Variants in STK39 observed in about 807,000 individuals in gnomAD.
The protein encoded by STK39 is STE20/SPS1-related proline-alanine-rich protein kinase.
STK39 carries 20 observed loss-of-function variants against 77.8 expected under a neutral mutation model. The observed-to-expected ratio is 0.26, with a 90% CI of 0.18 to 0.37. STK39 has a LOEUF of 0.37. Among genes scored for constraint, STK39 ranks in the 10% least tolerant of loss-of-function variants. The pLI is 1.00. For missense variants in STK39, 479 were observed against 656.5 expected, an observed-to-expected ratio of 0.73 and a Z score of 2.95; for synonymous variants, 246 against 234.1, an observed-to-expected ratio of 1.05 and a Z score of -0.47.
intron 1 of STK39, among the ~76,000 whole-genome samples, chr2:168,222,330 AC>A (rs1422995236): frequency 6.6e-6 from 1 of 152,200 alleles, no homozygotes; most frequent in East Asian, 1.9e-4. Context: ...TGGAGAGATG[AC>A]AGGCCATGAG....
intron 1 of STK39, among the ~76,000 whole-genome samples, chr2:168,189,383 G>A (rs1689282681): frequency 6.7e-6 from 1 of 149,346 alleles, no homozygotes; most frequent in African/African-American, 2.5e-5. Context: ...ACTCACCTTG[G>A]ACCACAAGCT....
intron 1 of STK39, among the ~76,000 whole-genome samples, chr2:168,212,988 T>C (rs1689930142): frequency 6.6e-6 from 1 of 152,206 alleles, no homozygotes; most frequent in African/African-American, 2.4e-5. Context: ...TATTTAGTCA[T>C]ATTAAGTACA....
chr2:168,043,309 C>CA (rs36113575), intron 14 of STK39, among the ~76,000 whole-genome samples: 98,423 of 151,008 alleles, frequency 0.65, 33,299 homozygotes, highest in Non-Finnish European at 0.75. Flanking sequence ...TCATTGATGG[C>CA]AAAAAAAAAT....
chr2:168,111,160 G>A (rs1270762691), intron 10 of STK39, among the ~76,000 whole-genome samples: 1 of 151,936 alleles, frequency 6.6e-6, no homozygotes, highest in Non-Finnish European at 1.5e-5. Flanking sequence ...TCATTATAGG[G>A]TTCTAAAAAT....
At chr2:168,022,420 T>C (rs71430613) in intron 14 of STK39, among the ~76,000 whole-genome samples, 237 of 152,286 alleles carry the variant, frequency 1.6e-3, no homozygotes, top group Non-Finnish European at 2.8e-3. Flanking sequence ...AATGTATTAA[T>C]AACCAGGGAG....
At chr2:168,120,231 T>C (rs1386006088) in intron 10 of STK39, among the ~76,000 whole-genome samples, 1 of 152,244 alleles carries the variant, frequency 6.6e-6, no homozygotes, top group Non-Finnish European at 1.5e-5. Context: ...GATTGTTGTA[T>C]GGCTGCAGTA....
intron 8 of STK39, among the ~76,000 whole-genome samples, chr2:168,133,163 G>A (rs1687744475): frequency 6.6e-6 from 1 of 152,192 alleles, no homozygotes; most frequent in Admixed American, 6.5e-5. Context: ...GCTGTAGAGA[G>A]AAAGCTGGGA....
chr2:168,110,097 A>T (rs1687082191), intron 10 of STK39, among the ~76,000 whole-genome samples: 1 of 152,224 alleles, frequency 6.6e-6, no homozygotes, highest in Non-Finnish European at 1.5e-5. Flanking sequence ...ACTCTTATTT[A>T]AAAATATCTG....
At chr2:168,200,445 G>A (rs571968201) in intron 1 of STK39, among the ~76,000 whole-genome samples, 28 of 152,062 alleles carry the variant, frequency 1.8e-4, no homozygotes, top group African/African-American at 6.8e-4. Context: ...CAGGTGGATT[G>A]CTTGAAACCA....
At chr2:168,046,269 G>A (rs1307221501) in intron 14 of STK39, among the ~76,000 whole-genome samples, 1 of 152,220 alleles carries the variant, frequency 6.6e-6, no homozygotes, top group Admixed American at 6.5e-5. Context: ...GGGAGGCTGA[G>A]GCAGGAGAAT....
intron 16 of STK39, among the ~76,000 whole-genome samples, chr2:167,984,136 A>G (rs1330720983): frequency 6.6e-6 from 1 of 152,198 alleles, no homozygotes; most frequent in Non-Finnish European, 1.5e-5. Context: ...TCAGTTATTA[A>G]ACGAATTCTT....
At chr2:168,019,511 T>A (rs1341090112) in intron 14 of STK39, among the ~76,000 whole-genome samples, 1 of 152,136 alleles carries the variant, frequency 6.6e-6, no homozygotes, top group Non-Finnish European at 1.5e-5. Context: ...TGCGAAGATA[T>A]GGAGGGATTA....
intron 10 of STK39, among the ~76,000 whole-genome samples, chr2:168,116,047 C>T (rs1399207660): frequency 6.6e-6 from 1 of 152,178 alleles, no homozygotes. Flanking sequence ...AGAGCCAGGG[C>T]TGGCTGGAGT....
Position 168,042,725 on chromosome 2 carries a change from G to A in STK39, c.1376+20775C>T, listed in dbSNP as rs1231937553. 3.9e-5 allele frequency among the ~76,000 whole-genome samples: 6 copies of A among 151,900 alleles called. No homozygotes were observed. In the South Asian group the frequency reaches 6.2e-4, roughly 16 times the overall value. On this transcript the variant is annotated intron_variant, in intron 14 of 17. Transcript: ENST00000355999. ...CTCCCGAGTAGCTGGGATTACAGGC[G>A]CCTGCCACCATGCTCAGCTAATTTT...
At chr2:167,978,027 T>C (rs1010413694) in intron 16 of STK39, among the ~76,000 whole-genome samples, 4 of 152,130 alleles carry the variant, frequency 2.6e-5, no homozygotes, top group African/African-American at 9.7e-5. Context: ...CTTCTGTTCC[T>C]GGGTGGGATC....
intron 15 of STK39, 63 bp downstream of exon 15, chr2:168,016,980 C>A: frequency 1.5e-6 from 2 of 1,310,358 alleles, no homozygotes; most frequent in Non-Finnish European, 2.2e-6. Context: ...TAACCACATG[C>A]TTGTAATCAA....
At chr2:168,196,549 G>C (rs1035647356) in intron 1 of STK39, among the ~76,000 whole-genome samples, 1 of 151,946 alleles carries the variant, frequency 6.6e-6, no homozygotes, top group Non-Finnish European at 1.5e-5. Context: ...CCAGCTACTC[G>C]GGAGGCTGAG....
intron 16 of STK39, among the ~76,000 whole-genome samples, chr2:167,995,814 T>C (rs1233398497): frequency 6.6e-6 from 1 of 152,176 alleles, no homozygotes; most frequent in Non-Finnish European, 1.5e-5. Flanking sequence ...GGGAAACTCT[T>C]TGGCACCAGA....
At chr2:168,012,558 T>C in intron 16 of STK39, 76 bp downstream of exon 16, 1 of 1,140,158 alleles carries the variant, frequency 8.8e-7, no homozygotes, top group Non-Finnish European at 1.3e-6. Flanking sequence ...TATTCCTTAA[T>C]GAACACTTTT....
Sources: allele counts gnomAD v4.1 joint callset (sites outside exome capture counted in the v4.1 genomes callset), GRCh38; gene constraint gnomAD v4.1.1; transcripts MANE v1.5; gene names NCBI Gene and HGNC (gene_info 2026-07-23, HGNC 2026-07-21).